The following PTPRO variants were observed in gnomAD, a reference collection of about 807,000 sequenced individuals.
PTPRO encodes the protein receptor-type tyrosine-protein phosphatase O.
PTPRO carries 62 observed loss-of-function variants against 145.2 expected under a neutral mutation model. That is an observed-to-expected ratio of 0.43 (90% CI 0.35 to 0.53). The LOEUF is 0.53. Ranked by LOEUF, PTPRO falls within the 20% of genes least tolerant of loss-of-function variation. PTPRO has a pLI of 0.01. For synonymous variants in PTPRO, 565 were observed against 514.7 expected (o/e 1.10, Z -1.32); for missense variants, 1,345 against 1,482.7 (o/e 0.91, Z 1.53).
At chr12:15,357,115 A>G (rs569165616) in intron 1 of PTPRO, among the ~76,000 whole-genome samples, 3 of 152,352 alleles carry the variant, frequency 2.0e-5, no homozygotes, top group South Asian at 4.1e-4. Flanking sequence ...ATTCGGTATA[A>G]GCAGACAGAC....
chr12:15,437,929 G>A (rs1319851823), intron 1 of PTPRO, among the ~76,000 whole-genome samples: 1 of 152,122 alleles, frequency 6.6e-6, no homozygotes, highest in Non-Finnish European at 1.5e-5. Context: ...AGGGACCTCA[G>A]ACCAATGTGT....
intron 1 of PTPRO, among the ~76,000 whole-genome samples, chr12:15,416,331 T>TG (rs1939972990): frequency 6.6e-6 from 1 of 150,496 alleles, no homozygotes; most frequent in South Asian, 2.1e-4. Flanking sequence ...CTTTCTTTTT[T>TG]TTTTTTGAGA....
chr12:15,474,282 C>A (rs1240526921), intron 1 of PTPRO, among the ~76,000 whole-genome samples: 5 of 152,262 alleles, frequency 3.3e-5, no homozygotes, highest in African/African-American at 1.2e-4. Context: ...CCCCGCAGCC[C>A]AGGAACTCGT....
chr12:15,505,984 C>A (rs1942313489), intron 6 of PTPRO, among the ~76,000 whole-genome samples: 1 of 152,134 alleles, frequency 6.6e-6, no homozygotes, highest in Non-Finnish European at 1.5e-5. Context: ...CATTAAAATA[C>A]ATACTGAATC....
chr12:15,353,527 G>T (rs1211572669), intron 1 of PTPRO, among the ~76,000 whole-genome samples: 1 of 152,164 alleles, frequency 6.6e-6, no homozygotes, highest in South Asian at 2.1e-4. Flanking sequence ...TAAGTTGGAT[G>T]TCTAACGAAT....
At chr12:15,498,455 G>T (rs893407762) in intron 3 of PTPRO, among the ~76,000 whole-genome samples, 1 of 152,172 alleles carries the variant, frequency 6.6e-6, no homozygotes, top group Non-Finnish European at 1.5e-5. Flanking sequence ...ATACTCAGGA[G>T]GCTGAGGCAG....
chr12:15,533,573 T>G (rs1943005725), intron 12 of PTPRO, among the ~76,000 whole-genome samples: 1 of 152,172 alleles, frequency 6.6e-6, no homozygotes. Context: ...CAGTTAATAT[T>G]TAATCGGAAC....
chr12:15,416,977 A>G (rs1176481741), intron 1 of PTPRO, among the ~76,000 whole-genome samples: 2 of 151,668 alleles, frequency 1.3e-5, no homozygotes, highest in African/African-American at 2.4e-5. Context: ...ACACAATCAT[A>G]TTGATTAGAT....
At position 15,480,657 on chromosome 12, in the gene PTPRO, G is replaced by T. The variant is rs114860344; in HGVS notation, c.76-3317G>T. On this transcript the variant is annotated intron_variant, in intron 1 of 26. Transcript: ENST00000281171. ...CTCAGGCCAGAAAGACTGAGATTTTGTCAGAGTTTCAGCTATCTCACACTG... is the reference window on the plus strand; with the variant it reads ...CTCAGGCCAGAAAGACTGAGATTTTTTCAGAGTTTCAGCTATCTCACACTG... Among the ~76,000 whole-genome samples, 1,208 of 152,236 alleles carry T rather than the reference G, an allele frequency of 7.9e-3. 14 individuals carry two copies. The highest frequency in any genetic ancestry group is 0.028 in the African/African-American group (1,160 of 41,528).
At chr12:15,551,700 C>T (rs762572499) in intron 15 of PTPRO, 29 bp downstream of exon 15, 63 of 1,605,740 alleles carry the variant, frequency 3.9e-5, no homozygotes, top group Middle Eastern at 1.6e-4. Context: ...ATATTTTATC[C>T]GGAATCTTTA....
At chr12:15,585,846 A>G (rs1591771540) in intron 23 of PTPRO, among the ~76,000 whole-genome samples, 1 of 152,204 alleles carries the variant, frequency 6.6e-6, no homozygotes, top group East Asian at 1.9e-4. Flanking sequence ...GTTAGTTGGG[A>G]CTAAAAAGAG....
chr12:15,433,357 A>AT (rs777804549), intron 1 of PTPRO, among the ~76,000 whole-genome samples: 4 of 151,640 alleles, frequency 2.6e-5, no homozygotes, highest in Admixed American at 6.6e-5. Context: ...TTGTATTTGT[A>AT]TTTTTTTAGT....
chr12:15,436,724 C>T (rs1050931942), intron 1 of PTPRO, among the ~76,000 whole-genome samples: 1 of 152,144 alleles, frequency 6.6e-6, no homozygotes, highest in African/African-American at 2.4e-5. Flanking sequence ...GCTTTGGTGC[C>T]CTAGCACCAT....
chr12:15,472,191 G>A (rs1335197490), intron 1 of PTPRO, among the ~76,000 whole-genome samples: 5 of 152,124 alleles, frequency 3.3e-5, no homozygotes, highest in Non-Finnish European at 7.3e-5. Flanking sequence ...CTGGATGTAC[G>A]TCACACAGTC....
chr12:15,505,723 C>T (rs554950040), intron 6 of PTPRO, among the ~76,000 whole-genome samples: 5 of 152,284 alleles, frequency 3.3e-5, no homozygotes, highest in African/African-American at 1.2e-4. Context: ...GGGTGGCTTA[C>T]GTTTGCTCAG....
At chr12:15,483,304 A>G (rs1941818367) in intron 1 of PTPRO, among the ~76,000 whole-genome samples, 2 of 152,126 alleles carry the variant, frequency 1.3e-5, no homozygotes, top group African/African-American at 2.4e-5. Context: ...CCATAAATAC[A>G]TATTTGGAGA....
intron 1 of PTPRO, among the ~76,000 whole-genome samples, chr12:15,468,599 G>C (rs749944542): frequency 5.9e-5 from 9 of 152,186 alleles, no homozygotes; most frequent in Non-Finnish European, 1.3e-4. Context: ...GGAGCTCCTT[G>C]ATCATCAAAT....
At chr12:15,389,948 A>G (rs767723419) in intron 1 of PTPRO, among the ~76,000 whole-genome samples, 1 of 152,218 alleles carries the variant, frequency 6.6e-6, no homozygotes. Context: ...GCAGAACAAG[A>G]GACCAAGTCT....
chr12:15,395,887 C>G (rs1394393806), intron 1 of PTPRO, among the ~76,000 whole-genome samples: 1 of 151,848 alleles, frequency 6.6e-6, no homozygotes, highest in Non-Finnish European at 1.5e-5. Flanking sequence ...TCTGGTGTGC[C>G]AGAAAAGATT....
Sources: allele counts gnomAD v4.1 joint callset (sites outside exome capture counted in the v4.1 genomes callset), GRCh38; gene constraint gnomAD v4.1.1; transcripts MANE v1.5; gene names NCBI Gene and HGNC (gene_info 2026-07-23, HGNC 2026-07-21).